The following MGAT4A variants were observed in gnomAD, a reference collection of about 807,000 sequenced individuals.
MGAT4A encodes alpha-1,3-mannosyl-glycoprotein 4-beta-N-acetylglucosaminyltransferase A.
MGAT4A carries 33 observed loss-of-function variants against 74.1 expected under a neutral mutation model. The ratio of observed to expected loss-of-function variants is 0.45; its 90% CI spans 0.34 to 0.60. The LOEUF (loss-of-function observed/expected upper bound fraction) is 0.60, where lower values mean the gene tolerates loss of function less well. MGAT4A is among the 20% of genes least tolerant of loss of function. The pLI is 0.02. For missense variants in MGAT4A, 479 were observed against 628.3 expected (o/e 0.76, Z 2.54); for synonymous variants, 198 against 210.4 (o/e 0.94, Z 0.51).
At chr2:98,681,773 C>T (rs999709283) in intron 2 of MGAT4A, among the ~76,000 whole-genome samples, 32 of 151,918 alleles carry the variant, frequency 2.1e-4, no homozygotes, top group African/African-American at 7.0e-4. Context: ...GGCAACATGG[C>T]GAGACCCCAA....
intron 3 of MGAT4A, among the ~76,000 whole-genome samples, chr2:98,677,876 C>G (rs769962596): frequency 1.0e-3 from 137 of 136,232 alleles, no homozygotes; most frequent in Non-Finnish European, 1.9e-3. Flanking sequence ...TCTGAAAGGG[C>G]TGGCTTATAA....
chr2:98,728,763 A>AT (rs1158048629), intron 1 of MGAT4A, among the ~76,000 whole-genome samples: 1 of 151,568 alleles, frequency 6.6e-6, no homozygotes, highest in Non-Finnish European at 1.5e-5. Flanking sequence ...AAAAAACTTC[A>AT]TAGCAAGACT....
At chr2:98,665,804 T>C (rs1701821205) in intron 4 of MGAT4A, among the ~76,000 whole-genome samples, 1 of 152,218 alleles carries the variant, frequency 6.6e-6, no homozygotes, top group Admixed American at 6.5e-5. Flanking sequence ...GCTGAGCTGG[T>C]AACCATGAGA....
At chr2:98,647,310 T>A (rs1343945979) in intron 8 of MGAT4A, among the ~76,000 whole-genome samples, 1 of 152,094 alleles carries the variant, frequency 6.6e-6, no homozygotes, top group East Asian at 1.9e-4. Flanking sequence ...TGTGCTCTTT[T>A]TTTATTTTTA....
At chr2:98,689,465 A>G (rs565326370) in intron 2 of MGAT4A, among the ~76,000 whole-genome samples, 6 of 152,336 alleles carry the variant, frequency 3.9e-5, no homozygotes, top group Non-Finnish European at 7.3e-5. Flanking sequence ...CCAGTTCCAG[A>G]CCAAGATGGA....
At chr2:98,637,154 T>C (rs1223977572) in intron 12 of MGAT4A, among the ~76,000 whole-genome samples, 2 of 151,680 alleles carry the variant, frequency 1.3e-5, no homozygotes. Context: ...TACAAAAAAA[T>C]TAAAAAATTA....
Position 98,687,543 on chromosome 2 carries a change from C to G in MGAT4A, c.95-9072G>C, listed in dbSNP as rs188691449. Among the ~76,000 whole-genome samples, 22 of 151,952 alleles carry G rather than the reference C, an allele frequency of 1.4e-4. 1 individual carries two copies. The East Asian group carries it at 4.3e-3, about 29-fold the overall frequency. On this transcript the variant is annotated intron_variant, in intron 2 of 15. Transcript: ENST00000393487. ...TCACTTTCCTTTTGCTCATTCATTT[C>G]CACCTTCCCCCTCCTAATATTCTTC... is the stretch of plus-strand genomic sequence containing the variant.
At chr2:98,649,067 C>T (rs529099264) in intron 8 of MGAT4A, among the ~76,000 whole-genome samples, 5 of 151,950 alleles carry the variant, frequency 3.3e-5, no homozygotes, top group East Asian at 3.9e-4. Flanking sequence ...AATTTGACTT[C>T]GAAAGAACTG....
chr2:98,667,810 C>G (rs752926777), intron 4 of MGAT4A, among the ~76,000 whole-genome samples: 2 of 151,984 alleles, frequency 1.3e-5, no homozygotes, highest in African/African-American at 2.4e-5. Context: ...ACCTCCACCT[C>G]CCAGGTTCAA....
chr2:98,723,709 C>T (rs1559177770), intron 2 of MGAT4A, among the ~76,000 whole-genome samples: 1 of 152,198 alleles, frequency 6.6e-6, no homozygotes, highest in Non-Finnish European at 1.5e-5. Context: ...ACGCAGGTCC[C>T]TGGACCTGAT....
At chr2:98,636,628 G>A (rs367733863) in intron 12 of MGAT4A, 33 bp from the exon 13 acceptor site, 1 of 1,567,302 alleles carries the variant, frequency 6.4e-7, no homozygotes, top group Non-Finnish European at 8.8e-7. Context: ...AAAAACACAA[G>A]TCGGGCTAGA....
chr2:98,692,324 G>C (rs2104303744), intron 2 of MGAT4A, among the ~76,000 whole-genome samples: 1 of 152,090 alleles, frequency 6.6e-6, no homozygotes, highest in Admixed American at 6.5e-5. Context: ...GGCTGGTCTT[G>C]AACTCCTGGG....
At chr2:98,695,465 G>A (rs149051579) in intron 2 of MGAT4A, 2,583 of 198,494 alleles carry the variant, frequency 0.013, 22 homozygotes, top group Admixed American at 0.031. Flanking sequence ...GGAAAAGAAC[G>A]CAATGCAGCA....
rs1375220500 is a variant in MGAT4A at position 98,620,488 on chromosome 2, A to G, written c.*5078T>C. 6.6e-6 allele frequency: 1 copy of G among 152,232 alleles called. No homozygotes were observed. Among genetic ancestry groups the G allele is most frequent in the Non-Finnish European group, 1.5e-5 (1 of 68,032 alleles). 9.4% of individuals were successfully genotyped at this position (152,232 alleles called of 1,614,324 possible). On this transcript the variant is annotated 3_prime_UTR_variant, in exon 16 of 16. Coordinates refer to ENST00000393487, the MANE Select transcript of MGAT4A (RefSeq NM_012214.3). ...TCTCGTATCAAGGACATGGCAATAC[A>G]GTAAAAATAAGCAGAAAAATTAATG...
At chr2:98,658,851 C>T (rs1335159071) in intron 5 of MGAT4A, among the ~76,000 whole-genome samples, 1 of 152,166 alleles carries the variant, frequency 6.6e-6, no homozygotes, top group African/African-American at 2.4e-5. Flanking sequence ...ATCAGATCTG[C>T]ATATTTTTAA....
At chr2:98,712,513 G>C (rs1702532276) in intron 2 of MGAT4A, among the ~76,000 whole-genome samples, 1 of 152,178 alleles carries the variant, frequency 6.6e-6, no homozygotes, top group Non-Finnish European at 1.5e-5. Context: ...TGTACTTCTG[G>C]AGTTTGTTAC....
rs1701121949 is a variant in MGAT4A, at chr2:98,624,906, T to C, written c.*660A>G. On this transcript the variant is annotated 3_prime_UTR_variant, in exon 16 of 16. Coordinates refer to ENST00000393487, the MANE Select transcript of MGAT4A (RefSeq NM_012214.3). Reference sequence around the variant, plus strand: ...CTTTGAAAATATTTTGTTCAGTCACTGTGATTATAAAAGTACTTCAATTAA... The same window carrying C: ...CTTTGAAAATATTTTGTTCAGTCACCGTGATTATAAAAGTACTTCAATTAA... 2.0e-6 allele frequency: 2 copies of C among 984,242 alleles called. No individual in the cohort carries two copies. The highest frequency in any genetic ancestry group is 1.7e-5 in the African/African-American group (1 of 57,216). 61.0% of individuals were successfully genotyped at this position (984,242 alleles called of 1,614,324 possible).
At chr2:98,705,948 CAAAAAAA>C (rs35710005) in intron 2 of MGAT4A, among the ~76,000 whole-genome samples, 41 of 47,504 alleles carry the variant, frequency 8.6e-4, no homozygotes, top group South Asian at 2.3e-3. Context: ...GACTCCGTCT[CAAAAAAA>C]AAAAAAAAAA....
At chr2:98,706,330 C>T (rs534020380) in intron 2 of MGAT4A, among the ~76,000 whole-genome samples, 1 of 152,100 alleles carries the variant, frequency 6.6e-6, no homozygotes, top group African/African-American at 2.4e-5. Context: ...GAGGGGCCAC[C>T]GAGGTGTGTC....
Sources: allele counts gnomAD v4.1 joint callset (sites outside exome capture counted in the v4.1 genomes callset), GRCh38; gene constraint gnomAD v4.1.1; transcripts MANE v1.5; gene names NCBI Gene and HGNC (gene_info 2026-07-23, HGNC 2026-07-21).